Variants in SYT1 observed in about 807,000 individuals in gnomAD.
SYT1 encodes synaptotagmin-1.
SYT1 carries 8 observed loss-of-function variants against 44.8 expected under a neutral mutation model. The observed-to-expected ratio is 0.18, with a 90% CI of 0.10 to 0.32. The LOEUF (loss-of-function observed/expected upper bound fraction) is 0.32. Among genes scored for constraint, SYT1 ranks in the 10% least tolerant of loss-of-function variants. The probability of loss-of-function intolerance (pLI) is 1.00; values close to 1 mark genes in which losing one functional copy is unlikely to be tolerated. For synonymous variants in SYT1, 154 were observed against 188.8 expected, an observed-to-expected ratio of 0.82 and a Z score of 1.51; for missense variants, 286 against 509.3, an observed-to-expected ratio of 0.56 and a Z score of 4.22.
chr12:79,132,599 A>G (rs1165214394), intron 3 of SYT1, among the ~76,000 whole-genome samples: 1 of 142,344 alleles, frequency 7.0e-6, no homozygotes, highest in Non-Finnish European at 1.5e-5. Flanking sequence ...GCTGGTGAGG[A>G]TGTGGAACTC....
At chr12:79,187,335 G>T (rs1249890012) in intron 3 of SYT1, among the ~76,000 whole-genome samples, 3 of 152,068 alleles carry the variant, frequency 2.0e-5, no homozygotes, top group African/African-American at 7.2e-5. Flanking sequence ...AGAGAGCACT[G>T]GAATAATTCT....
At chr12:78,998,738 C>A (rs989340103) in intron 2 of SYT1, among the ~76,000 whole-genome samples, 1 of 152,136 alleles carries the variant, frequency 6.6e-6, no homozygotes, top group Non-Finnish European at 1.5e-5. Context: ...ACTTTCTCTG[C>A]AAACTTGGAG....
chr12:79,100,704 A>G (rs1047696863), intron 3 of SYT1, among the ~76,000 whole-genome samples: 1 of 152,216 alleles, frequency 6.6e-6, no homozygotes, highest in Non-Finnish European at 1.5e-5. Context: ...TCAGAAAACA[A>G]TAAATGAGTC....
intron 3 of SYT1, among the ~76,000 whole-genome samples, chr12:79,173,108 A>G (rs913346156): frequency 1.3e-5 from 2 of 151,744 alleles, no homozygotes; most frequent in African/African-American, 4.8e-5. Context: ...ACCTTTTCAC[A>G]TCAGAGTCCT....
intron 9 of SYT1, among the ~76,000 whole-genome samples, chr12:79,419,848 T>C (rs1379128545): frequency 6.6e-6 from 1 of 152,158 alleles, no homozygotes; most frequent in Admixed American, 6.6e-5. Context: ...TGTATGTTTT[T>C]ATGACACACA....
At chr12:79,217,345 A>G (rs1304909588) in intron 3 of SYT1, among the ~76,000 whole-genome samples, 158 bp from the exon 4 acceptor site, 2 of 152,206 alleles carry the variant, frequency 1.3e-5, no homozygotes, top group African/African-American at 2.4e-5. Context: ...GGTTCCATAA[A>G]TATTTCATTT....
intron 6 of SYT1, among the ~76,000 whole-genome samples, chr12:79,293,173 A>C (rs1879675397): frequency 1.3e-5 from 2 of 149,598 alleles, no homozygotes. Flanking sequence ...AAAAAAAAAA[A>C]ATTAGCTGGG....
chr12:79,357,593 A>G (rs755177021), intron 9 of SYT1, among the ~76,000 whole-genome samples: 10 of 152,232 alleles, frequency 6.6e-5, no homozygotes, highest in Non-Finnish European at 1.2e-4. Flanking sequence ...ATACAGTATT[A>G]TAATCTTATG....
At chr12:79,246,573 A>AT (rs1876862332) in intron 4 of SYT1, among the ~76,000 whole-genome samples, 1 of 152,202 alleles carries the variant, frequency 6.6e-6, no homozygotes, top group Non-Finnish European at 1.5e-5. Context: ...TGCTTCTAAG[A>AT]TGGTGCCTTG....
At chr12:79,049,705 T>C (rs1874328241) in intron 3 of SYT1, among the ~76,000 whole-genome samples, 1 of 151,966 alleles carries the variant, frequency 6.6e-6, no homozygotes, top group African/African-American at 2.4e-5. Context: ...TGTGCATGTG[T>C]TTCTAGCCCA....
chr12:78,933,614 T>C (rs1877876794), intron 1 of SYT1, among the ~76,000 whole-genome samples: 1 of 150,816 alleles, frequency 6.6e-6, no homozygotes, highest in African/African-American at 2.4e-5. Flanking sequence ...AGTTTATTAA[T>C]AACCATCTCA....
chr12:79,052,652 AT>A, intron 3 of SYT1, among the ~76,000 whole-genome samples: 1 of 143,816 alleles, frequency 7.0e-6, no homozygotes, highest in African/African-American at 2.4e-5. Context: ...ACTCAAACAA[AT>A]TTACAAGAAA....
intron 2 of SYT1, among the ~76,000 whole-genome samples, chr12:79,011,412 G>A (rs1370435918): frequency 6.6e-6 from 1 of 151,824 alleles, no homozygotes; most frequent in Non-Finnish European, 1.5e-5. Flanking sequence ...TTTATAGTAG[G>A]GCATTCCATC....
At chr12:79,322,084 T>C (rs1181264805) in intron 8 of SYT1, among the ~76,000 whole-genome samples, 3 of 152,296 alleles carry the variant, frequency 2.0e-5, no homozygotes, top group East Asian at 1.9e-4. Context: ...GTCTGGTCAA[T>C]GTTCCCTAAG....
intron 9 of SYT1, among the ~76,000 whole-genome samples, chr12:79,384,848 T>C (rs1032345061): frequency 6.6e-6 from 1 of 152,192 alleles, no homozygotes; most frequent in Non-Finnish European, 1.5e-5. Flanking sequence ...TTACGTAAGA[T>C]GTTATGTTCC....
At chr12:79,058,090 T>C (rs1875101518) in intron 3 of SYT1, among the ~76,000 whole-genome samples, 1 of 152,064 alleles carries the variant, frequency 6.6e-6, no homozygotes, top group Non-Finnish European at 1.5e-5. Flanking sequence ...GTGTGTTTTT[T>C]TGAAAGGCAA....
At chr12:79,058,038 G>A (rs991430305) in intron 3 of SYT1, among the ~76,000 whole-genome samples, 1 of 151,922 alleles carries the variant, frequency 6.6e-6, no homozygotes, top group Admixed American at 6.6e-5. Flanking sequence ...TATATTTATG[G>A]ATATATCCAT....
chr12:79,128,829 C>G (rs535865741), intron 3 of SYT1, among the ~76,000 whole-genome samples: 1 of 152,282 alleles, frequency 6.6e-6, no homozygotes, highest in Admixed American at 6.5e-5. Context: ...ACCTTACTAA[C>G]TTCTCTTCCT....
chr12:79,169,666 G>A (rs1372970810), intron 3 of SYT1, among the ~76,000 whole-genome samples: 5 of 152,100 alleles, frequency 3.3e-5, no homozygotes, highest in East Asian at 1.9e-4. Context: ...TGCCATATGC[G>A]CTTCTGAGAA....
Sources: gnomAD v4.1 joint callset for allele counts (sites outside exome capture counted in the v4.1 genomes callset) on GRCh38, gnomAD v4.1.1 for gene constraint, MANE v1.5 for transcripts, NCBI Gene and HGNC (gene_info 2026-07-23, HGNC 2026-07-21) for gene names.